The following GLP1R variants were observed in gnomAD, a reference collection of about 807,000 sequenced individuals.
GLP1R encodes the protein glucagon-like peptide 1 receptor.
GLP1R carries 32 observed loss-of-function variants against 68.4 expected under a neutral mutation model. The ratio of observed to expected loss-of-function variants is 0.47; its 90% confidence interval spans 0.35 to 0.63. GLP1R has a LOEUF of 0.63. Ranked by LOEUF, GLP1R falls within the 20% of genes least tolerant of loss-of-function variation. GLP1R has a pLI of 0.00. For synonymous variants in GLP1R, 263 were observed against 244.4 expected, an observed-to-expected ratio of 1.08 and a Z score of -0.71; for missense variants, 502 against 594.9, an observed-to-expected ratio of 0.84 and a Z score of 1.62.
At position 39,053,303 on chromosome 6, in the gene GLP1R, G is replaced by A. The variant is rs559781725; in HGVS notation, c.79-3094G>A. Among the ~76,000 whole-genome samples, 6 of 152,342 alleles carry A rather than the reference G, an allele frequency of 3.9e-5. No homozygotes were observed. In the South Asian group the frequency reaches 1.2e-3, roughly 32 times the overall value. ...ATGGAGGAGTGGGGGACACTGGTGG[G>A]CAGGGCCTTGCCCCTCCTCACAGGG... On this transcript the variant is annotated intron_variant, in intron 1 of 12. Coordinates refer to ENST00000373256, the MANE Select transcript of GLP1R (RefSeq NM_002062.5).
In GLP1R at chr6:39,088,199, C is replaced by A. The variant is rs966394323; in HGVS notation, c.*2126C>A. Among the ~76,000 whole-genome samples the A allele has an allele frequency of 3.3e-5, 5 of 152,040 alleles. No individual in the cohort carries two copies. Among genetic ancestry groups the A allele is most frequent in the African/African-American group, 1.2e-4 (5 of 41,386 alleles). ...TCAGAAGGCTCATCAGACCCCTACA[C>A]CCAAGTCTTTTAACACGGAGGAAGT... is the stretch of plus-strand genomic sequence containing the variant. On this transcript the variant is annotated 3_prime_UTR_variant, in exon 13 of 13. Transcript: ENST00000373256.
At chr6:39,063,705 G>A (rs1261194901) in intron 3 of GLP1R, among the ~76,000 whole-genome samples, 1 of 152,112 alleles carries the variant, frequency 6.6e-6, no homozygotes, top group African/African-American at 2.4e-5. Flanking sequence ...CTGGGATCAG[G>A]GTTAGGGGAG....
chr6:39,052,508 C>T (rs893438511), intron 1 of GLP1R, among the ~76,000 whole-genome samples: 3 of 152,164 alleles, frequency 2.0e-5, no homozygotes, highest in East Asian at 1.9e-4. Context: ...ACCTCCTTCC[C>T]GTCACCAAAA....
intron 12 of GLP1R, among the ~76,000 whole-genome samples, chr6:39,081,705 G>A (rs1769017230): frequency 6.6e-6 from 1 of 152,178 alleles, no homozygotes; most frequent in Non-Finnish European, 1.5e-5. Flanking sequence ...CTATGAGATG[G>A]CTCAAAGAAG....
chr6:39,061,106 C>T lies in GLP1R; in HGVS notation c.283+3527C>T, dbSNP rs1434127337. Among the ~76,000 whole-genome samples, 5 of 152,210 alleles carry T rather than the reference C, an allele frequency of 3.3e-5. No individual in the cohort carries two copies. In the East Asian group the frequency reaches 7.7e-4, roughly 23 times the overall value. On this transcript the variant is annotated intron_variant, in intron 3 of 12. Transcript: ENST00000373256. ...GCACCCTGGACATGGGGCCAGGCCA[C>T]GGGCCTCGGAACTACGCAGTGTCCT...
At chr6:39,077,516 A>G (rs556051480) in intron 7 of GLP1R, among the ~76,000 whole-genome samples, 1 of 152,360 alleles carries the variant, frequency 6.6e-6, no homozygotes, top group East Asian at 1.9e-4. Flanking sequence ...GTGATCAGAG[A>G]AAGAGAAAGA....
chr6:39,058,995 G>T (rs1043529731), intron 3 of GLP1R, among the ~76,000 whole-genome samples: 102 of 152,318 alleles, frequency 6.7e-4, no homozygotes, highest in African/African-American at 2.1e-3. Flanking sequence ...GCCTGGTGGG[G>T]CCCAATGTAA....
At chr6:39,073,519 C>A in intron 6 of GLP1R, 91 bp from the exon 7 acceptor site, 1 of 1,111,654 alleles carries the variant, frequency 9.0e-7, no homozygotes. Context: ...TTAACCATGG[C>A]AGGATAGTGG....
Position 39,048,927 on chromosome 6 carries a change from C to CA in GLP1R, c.78+10dup, listed in dbSNP as rs1768024616. ...CCGGCCCCCGCCCCCAGGTGAGATCCAGGGACCCCGACGACACCGGGGGAG... is the reference window on the plus strand; with the variant it reads ...CCGGCCCCCGCCCCCAGGTGAGATCCAAGGGACCCCGACGACACCGGGGGAG... On this transcript the variant is annotated intron_variant, in intron 1 of 12. Transcript: ENST00000373256. 1 of 1,284,376 alleles carries CA rather than the reference C, an allele frequency of 7.8e-7. No individual in the cohort carries two copies. The highest frequency in any genetic ancestry group is 1.0e-6 in the Non-Finnish European group (1 of 973,124). 79.6% of individuals were successfully genotyped at this position (1,284,376 alleles called of 1,614,324 possible).
rs1453012926 is a variant in GLP1R, at chr6:39,062,576, G to T, written c.284-3135G>T. Among the ~76,000 whole-genome samples the T allele has an allele frequency of 3.3e-5, 5 of 152,264 alleles. No individual in the cohort carries two copies. The East Asian group carries it at 5.8e-4, about 18-fold the overall frequency. The stretch of plus-strand genomic sequence containing the variant: ...AACTGGCTCTGAACAGAGGGAGCAG[G>T]AATGGTGCAGCGGCCGGGGGTCCAC... On this transcript the variant is annotated intron_variant, in intron 3 of 12. Transcript: ENST00000373256.
chr6:39,080,485 C>A (rs1432591284), intron 11 of GLP1R, among the ~76,000 whole-genome samples: 1 of 152,220 alleles, frequency 6.6e-6, no homozygotes, highest in Non-Finnish European at 1.5e-5. Flanking sequence ...TAGCTGGGGC[C>A]TGTAGCCAGG....
chr6:39,080,609 G>A, intron 11 of GLP1R, 89 bp from the exon 12 acceptor site: 1 of 788,952 alleles, frequency 1.3e-6, no homozygotes, highest in Non-Finnish European at 2.1e-6. Flanking sequence ...GGTTGTTGAG[G>A]ATGGAGTCCC....
intron 5 of GLP1R, among the ~76,000 whole-genome samples, chr6:39,067,579 T>C (rs1269529644): frequency 6.6e-6 from 1 of 152,222 alleles, no homozygotes; most frequent in Non-Finnish European, 1.5e-5. Context: ...CCTAAAGGCT[T>C]CACCTTTTCA....
chr6:39,069,205 A>G (rs538936011), intron 5 of GLP1R, among the ~76,000 whole-genome samples: 2 of 152,338 alleles, frequency 1.3e-5, no homozygotes, highest in East Asian at 3.9e-4. Flanking sequence ...GCCACTTTGT[A>G]ACAAAAAGAT....
At chr6:39,067,607 C>T (rs1343129135) in intron 5 of GLP1R, among the ~76,000 whole-genome samples, 1 of 152,182 alleles carries the variant, frequency 6.6e-6, no homozygotes, top group East Asian at 1.9e-4. Context: ...GCCTTGGGGA[C>T]TAAGTTTCAA....
chr6:39,076,652 C>T (rs1340884018), intron 7 of GLP1R, among the ~76,000 whole-genome samples: 1 of 152,194 alleles, frequency 6.6e-6, no homozygotes, highest in African/African-American at 2.4e-5. Flanking sequence ...TTCCCAAAGT[C>T]ATACGTGCAC....
Position 39,079,665 on chromosome 6 carries a change from T to C in GLP1R, c.1145T>C (p.Ile382Thr). The change falls in exon 11 of 13, where the codon ATC becomes ACC. Residue 382 changes from isoleucine to threonine, a missense_variant. Physicochemically the swap from Ile to Thr is moderately conservative, Grantham distance 89. Coordinates refer to ENST00000373256, the MANE Select transcript of GLP1R (RefSeq NM_002062.5). This position sits in a 1 kb window ranked among gnomAD's most constrained non-coding sequence, Gnocchi z 4.5. ...DEHARGTLRF[I>T]KLFTELSFTS... ...CACGCCCGGGGGACCCTGCGCTTCATCAAGCTGTTTACAGAGCTCTCCTTC... is the reference window on the plus strand; with the variant it reads ...CACGCCCGGGGGACCCTGCGCTTCACCAAGCTGTTTACAGAGCTCTCCTTC... 1 of 1,612,272 alleles carries C rather than the reference T, an allele frequency of 6.2e-7. No individual in the cohort carries two copies. Among genetic ancestry groups the C allele is most frequent in the Non-Finnish European group, 8.5e-7 (1 of 1,179,266 alleles).
intron 12 of GLP1R, among the ~76,000 whole-genome samples, chr6:39,083,727 G>A (rs1769073416): frequency 6.6e-6 from 1 of 152,178 alleles, no homozygotes; most frequent in Non-Finnish European, 1.5e-5. Flanking sequence ...GGTGCCTGCT[G>A]GAGAGGGAGG....
chr6:39,071,547 C>T (rs1768667980), intron 5 of GLP1R, among the ~76,000 whole-genome samples: 2 of 151,794 alleles, frequency 1.3e-5, no homozygotes, highest in South Asian at 2.1e-4. Flanking sequence ...GAATTAGCTG[C>T]CTGAGTACCA....
Sources: allele counts gnomAD v4.1 joint callset (sites outside exome capture counted in the v4.1 genomes callset), GRCh38; gene constraint gnomAD v4.1.1; non-coding constraint Gnocchi (gnomAD v3.1); transcripts MANE v1.5; gene names NCBI Gene and HGNC (gene_info 2026-07-23, HGNC 2026-07-21).